The following MCC variants were observed in gnomAD, a reference collection of about 807,000 sequenced individuals.
The protein encoded by MCC is MCC regulator of Wnt signaling pathway.
Under a neutral mutation model 116.2 loss-of-function variants are expected in MCC, and 90 were observed. That is an observed-to-expected ratio of 0.77 (90% confidence interval 0.65 to 0.92). The LOEUF is 0.92. MCC is among the 40% of genes least tolerant of loss of function. MCC has a pLI of 0.00. For synonymous variants in MCC, 578 were observed against 510.5 expected (o/e 1.13, Z -1.78); for missense variants, 1,516 against 1,312.2 (o/e 1.16, Z -2.40).
At chr5:113,092,797 A>G (rs962993954) in intron 8 of MCC, among the ~76,000 whole-genome samples, 1 of 152,216 alleles carries the variant, frequency 6.6e-6, no homozygotes, top group Admixed American at 6.5e-5. Flanking sequence ...GCCCTGGGGT[A>G]CTTGGTCAAA....
rs142017195 is a variant in MCC at position 113,051,374 on chromosome 5, G to T, written c.2449-2075C>A. ...ACAATGTGCAAAACTAGAAAATAAA[G>T]ATTTAAAACAAAGTGATACAGGAGT... On this transcript the variant is annotated intron_variant, in intron 15 of 18. Coordinates refer to ENST00000408903, the MANE Select transcript of MCC (RefSeq NM_001085377.2). Among the ~76,000 whole-genome samples, 88 of 152,242 alleles carry T rather than the reference G, an allele frequency of 5.8e-4. 1 individual carries two copies. The highest frequency in any genetic ancestry group is 2.1e-3 in the African/African-American group (86 of 41,552).
intron 3 of MCC, among the ~76,000 whole-genome samples, chr5:113,253,941 CA>C (rs963741077): frequency 6.6e-6 from 1 of 151,898 alleles, no homozygotes; most frequent in African/African-American, 2.4e-5. Context: ...AGGAGGAAAA[CA>C]AAAAAGTTTG....
rs375935037 is a variant in MCC at position 113,479,132 on chromosome 5, G to A, written c.170+9113C>T. On this transcript the variant is annotated intron_variant, in intron 1 of 18. Transcript: ENST00000408903. ...TTGTGGCACCTTCATACAATGAAAT[G>A]TTAGTAATAAAAAGGAACTACTGAT... Among the ~76,000 whole-genome samples the A allele has an allele frequency of 1.8e-4, 27 of 152,264 alleles. 4 individuals are homozygous for A. Among genetic ancestry groups the A allele is most frequent in the Admixed American group, 7.2e-4 (11 of 15,294 alleles).
chr5:113,244,893 A>G (rs1176525179), intron 3 of MCC, among the ~76,000 whole-genome samples: 1 of 152,242 alleles, frequency 6.6e-6, no homozygotes, highest in Non-Finnish European at 1.5e-5. Flanking sequence ...TTGTCAAATA[A>G]AATCTGAGCT....
At chr5:113,220,655 G>GT (rs1324673660) in intron 3 of MCC, among the ~76,000 whole-genome samples, 2 of 152,138 alleles carry the variant, frequency 1.3e-5, no homozygotes, top group Non-Finnish European at 2.9e-5. Flanking sequence ...GGATTTTTCT[G>GT]TATTTCCTTG....
chr5:113,066,445 G>C (rs1013601715), intron 13 of MCC, among the ~76,000 whole-genome samples: 6 of 152,174 alleles, frequency 3.9e-5, no homozygotes, highest in Non-Finnish European at 7.3e-5. Flanking sequence ...TAATGGAAAT[G>C]CTGGCAGAGT....
Position 113,117,517 on chromosome 5 carries a change from G to GGTAT in MCC, c.1027+5163_1027+5166dup, listed in dbSNP as rs534425366. ...AATGGTTTGATATTTCAACCTTGAG[G>GGTAT]GTATAATAGTTTGATATTGCTAAAT... is the stretch of plus-strand genomic sequence containing the variant. On this transcript the variant is annotated intron_variant, in intron 6 of 18. Transcript: ENST00000408903. Among the ~76,000 whole-genome samples, 16 of 152,212 alleles carry GGTAT rather than the reference G, an allele frequency of 1.1e-4. No homozygotes were observed. In the South Asian group the frequency reaches 3.3e-3, roughly 32 times the overall value.
At chr5:113,246,853 C>A (rs181373680) in intron 3 of MCC, among the ~76,000 whole-genome samples, 1 of 152,306 alleles carries the variant, frequency 6.6e-6, no homozygotes, top group East Asian at 1.9e-4. Flanking sequence ...TCACTGGAGT[C>A]ATTCACATAA....
At chr5:113,350,419 AG>A (rs1226914547) in intron 2 of MCC, among the ~76,000 whole-genome samples, 1 of 152,138 alleles carries the variant, frequency 6.6e-6, no homozygotes, top group Non-Finnish European at 1.5e-5. Context: ...TTTTTGACAA[AG>A]GTGTCAAGAA....
intron 11 of MCC, 73 bp downstream of exon 11, chr5:113,082,787 A>T: frequency 6.4e-7 from 1 of 1,563,998 alleles, no homozygotes; most frequent in East Asian, 2.2e-5. Context: ...CCTTGAACAG[A>T]TCTTTGGAAA....
chr5:113,460,544 T>C (rs1233386379), intron 1 of MCC, among the ~76,000 whole-genome samples: 1 of 152,206 alleles, frequency 6.6e-6, no homozygotes, highest in Non-Finnish European at 1.5e-5. Context: ...TTTCTCCCCA[T>C]TACAAGCTGT....
intron 3 of MCC, among the ~76,000 whole-genome samples, chr5:113,195,329 A>G (rs1202173672): frequency 6.6e-6 from 1 of 152,216 alleles, no homozygotes; most frequent in Non-Finnish European, 1.5e-5. Flanking sequence ...AGCAAATTAT[A>G]ACAACCAGGA....
chr5:113,178,030 A>G (rs527657850), intron 3 of MCC, among the ~76,000 whole-genome samples: 1 of 152,362 alleles, frequency 6.6e-6, no homozygotes, highest in Admixed American at 6.5e-5. Flanking sequence ...CATCTGCAAA[A>G]CAATACCCAA....
chr5:113,459,825 A>AACACACACACACACAC (rs5870543), intron 1 of MCC, among the ~76,000 whole-genome samples: 6,169 of 147,514 alleles, frequency 0.042, 160 homozygotes, highest in Non-Finnish European at 0.063. Context: ...CGCTATGGAA[A>AACACACACACACACAC]ACACACACAC....
intron 1 of MCC, among the ~76,000 whole-genome samples, chr5:113,402,098 C>A (rs1306621598): frequency 1.3e-5 from 2 of 151,774 alleles, no homozygotes; most frequent in Non-Finnish European, 2.9e-5. Flanking sequence ...ATCAAGACCA[C>A]CCTGGCTAAC....
chr5:113,326,337 A>C (rs1477523493), intron 3 of MCC, among the ~76,000 whole-genome samples: 1 of 152,186 alleles, frequency 6.6e-6, no homozygotes, highest in Non-Finnish European at 1.5e-5. Flanking sequence ...AAAATACCTG[A>C]GACTGGATAA....
In MCC at chr5:113,488,361, G is replaced by A; in HGVS notation, c.54C>T (p.Gly18=). The change falls in exon 1 of 19, where the codon GGC becomes GGT. Residue 18 remains glycine (G), a synonymous_variant. Transcript: ENST00000408903. The part of the protein sequence containing the change: ...AAAGSSSSGG[G]GGGSGSSSSS... ...TGCTGCTGCTGCCGCTGCCGCCGCC[G>A]CCGCCGCCGCTGCTGGAGCTCCCCG... 6.6e-7 allele frequency: 1 copy of A among 1,519,380 alleles called. No homozygotes were observed. Among genetic ancestry groups the A allele is most frequent in the Non-Finnish European group, 8.8e-7 (1 of 1,139,440 alleles). 94.1% of individuals were successfully genotyped at this position (1,519,380 alleles called of 1,614,324 possible).
chr5:113,364,381 C>T (rs1051250562), intron 2 of MCC, among the ~76,000 whole-genome samples: 3 of 151,510 alleles, frequency 2.0e-5, no homozygotes, highest in Admixed American at 6.6e-5. Flanking sequence ...ATCCAGGGTA[C>T]ACAAATGCAA....
intron 14 of MCC, among the ~76,000 whole-genome samples, chr5:113,063,154 C>T (rs1051889880): frequency 1.3e-5 from 2 of 152,130 alleles, no homozygotes; most frequent in African/African-American, 2.4e-5. Context: ...AAGTCTTTCA[C>T]GATTTGGCAA....
Sources: gnomAD v4.1 joint callset for allele counts (sites outside exome capture counted in the v4.1 genomes callset) on GRCh38, gnomAD v4.1.1 for gene constraint, MANE v1.5 for transcripts, NCBI Gene and HGNC (gene_info 2026-07-23, HGNC 2026-07-21) for gene names.